The following NINJ2 variants were observed in gnomAD, a reference collection of about 807,000 sequenced individuals.
NINJ2 encodes the protein ninjurin 2, also known as ninjurin-2.
A neutral mutation model predicts 11.7 loss-of-function variants in NINJ2; 12 were observed. That is an observed-to-expected ratio of 1.02 (90% CI 0.66 to 1.66). The LOEUF (loss-of-function observed/expected upper bound fraction) is 1.66. NINJ2 is among the 40% of genes most tolerant of loss of function. NINJ2 has a pLI of 0.00. For missense variants in NINJ2, 187 were observed against 181.8 expected (o/e 1.03, Z -0.16); for synonymous variants, 93 against 76.8 (o/e 1.21, Z -1.10).
intron 1 of NINJ2, 44 bp from the exon 2 acceptor site, chr12:566,222 G>T: frequency 6.5e-7 from 1 of 1,532,340 alleles, no homozygotes; most frequent in South Asian, 1.2e-5. Flanking sequence ...AGCTCTGGAA[G>T]GGAAGCAGTT....
At chr12:597,578 A>C (rs1006704601) in intron 1 of NINJ2, among the ~76,000 whole-genome samples, 1 of 152,274 alleles carries the variant, frequency 6.6e-6, no homozygotes, top group African/African-American at 2.4e-5. Context: ...TTCATGTTAC[A>C]TAAAACCAAG....
Position 614,399 on chromosome 12 carries a change from T to C in NINJ2, c.34-48221A>G, listed in dbSNP as rs576082955. ...GTCGTTGGGTGGTGGCAGAACAAAATGTTTGGAGATGGAATCTAGATGATC... is the reference window on the plus strand; with the variant it reads ...GTCGTTGGGTGGTGGCAGAACAAAACGTTTGGAGATGGAATCTAGATGATC... On this transcript the variant is annotated intron_variant, in intron 1 of 3. Coordinates refer to ENST00000305108, the MANE Select transcript of NINJ2 (RefSeq NM_016533.6). This position sits in a 1 kb window ranked among gnomAD's most constrained non-coding sequence, Gnocchi z 5.1. 7.9e-5 allele frequency among the ~76,000 whole-genome samples: 12 copies of C among 151,892 alleles called. No homozygotes were observed. The highest frequency in any genetic ancestry group is 2.7e-4 in the African/African-American group (11 of 41,420).
intron 1 of NINJ2, among the ~76,000 whole-genome samples, chr12:638,707 G>A (rs377397420): frequency 1.3e-5 from 2 of 152,200 alleles, no homozygotes; most frequent in East Asian, 1.9e-4. Flanking sequence ...GAGCCACCGC[G>A]CCCGGCCGAC....
intron 1 of NINJ2, among the ~76,000 whole-genome samples, chr12:607,955 G>T (rs1380531400): frequency 6.6e-6 from 1 of 152,180 alleles, no homozygotes; most frequent in Non-Finnish European, 1.5e-5. Flanking sequence ...TGTGCTGGGG[G>T]TTCCGTTGAC....
intron 1 of NINJ2, among the ~76,000 whole-genome samples, chr12:566,524 A>G (rs1467792830): frequency 6.6e-6 from 1 of 152,164 alleles, no homozygotes; most frequent in Non-Finnish European, 1.5e-5. Flanking sequence ...GCCAGGCCTC[A>G]GCTTTGGGCT....
At chr12:656,954 A>C (rs770598811) in intron 1 of NINJ2, among the ~76,000 whole-genome samples, 13 of 152,200 alleles carry the variant, frequency 8.5e-5, no homozygotes, top group Non-Finnish European at 1.9e-4. Flanking sequence ...CACGTGTAAA[A>C]ATATGAATCT....
intron 1 of NINJ2, among the ~76,000 whole-genome samples, chr12:595,678 G>A (rs866844912): frequency 5.9e-5 from 9 of 152,130 alleles, no homozygotes; most frequent in East Asian, 1.9e-4. Flanking sequence ...GCTTGAACCC[G>A]GGAGGCGGAG....
chr12:629,216 A>T (rs1376141045), intron 1 of NINJ2, among the ~76,000 whole-genome samples: 1 of 152,192 alleles, frequency 6.6e-6, no homozygotes, highest in Non-Finnish European at 1.5e-5. Flanking sequence ...CCTCACAATG[A>T]TCCTCTGAGG....
chr12:640,773 C>T lies in NINJ2; in HGVS notation c.33+22555G>A, dbSNP rs1263506315. 6.5e-6 allele frequency: 1 copy of T among 152,920 alleles called. No homozygotes were observed. The highest frequency in any genetic ancestry group is 2.4e-5 in the African/African-American group (1 of 41,420). The allele number at this position is 152,920 out of a possible 1,614,324, so 9.5% of individuals were successfully genotyped here. On this transcript the variant is annotated intron_variant, in intron 1 of 3. Coordinates refer to ENST00000305108, the MANE Select transcript of NINJ2 (RefSeq NM_016533.6). The surrounding 1 kb of genome is among the most constrained non-coding windows in gnomAD (Gnocchi z 4.0). Reference sequence around the variant, plus strand: ...TCGGCCTCCCAAAGTGCTGGGATTACAGGTGTGAATCATTGTGCTAGGCCA... The same window carrying T: ...TCGGCCTCCCAAAGTGCTGGGATTATAGGTGTGAATCATTGTGCTAGGCCA...
chr12:599,220 A>G (rs1245853640), intron 1 of NINJ2, among the ~76,000 whole-genome samples: 2 of 151,904 alleles, frequency 1.3e-5, no homozygotes, highest in Non-Finnish European at 2.9e-5. Flanking sequence ...TGTCTCTACT[A>G]AAAATACCAA....
In NINJ2 at chr12:633,282, G is replaced by A. The variant is rs1488319551; in HGVS notation, c.33+30046C>T. 6.6e-6 allele frequency among the ~76,000 whole-genome samples: 1 copy of A among 152,042 alleles called. No individual in the cohort carries two copies. The highest frequency in any genetic ancestry group is 1.5e-5 in the Non-Finnish European group (1 of 68,010). On this transcript the variant is annotated intron_variant, in intron 1 of 3. Coordinates refer to ENST00000305108, the MANE Select transcript of NINJ2 (RefSeq NM_016533.6). This position sits in a 1 kb window ranked among gnomAD's most constrained non-coding sequence, Gnocchi z 4.3. ...GGAGGCCGAGGTGGATGGATCACCTGAAGTCAGCAGTTCAAGACCAACTTG... is the reference window on the plus strand; with the variant it reads ...GGAGGCCGAGGTGGATGGATCACCTAAAGTCAGCAGTTCAAGACCAACTTG...
intron 1 of NINJ2, among the ~76,000 whole-genome samples, chr12:600,668 G>A (rs959635400): frequency 3.1e-5 from 2 of 65,496 alleles, no homozygotes; most frequent in Non-Finnish European, 1.1e-4. Context: ...GTGTGTGTGT[G>A]TGTGTGTGTG....
chr12:621,390 G>C (rs1948150248), intron 1 of NINJ2, among the ~76,000 whole-genome samples: 1 of 151,652 alleles, frequency 6.6e-6, no homozygotes, highest in Non-Finnish European at 1.5e-5. Context: ...AGAGTTTGAG[G>C]CTGTAGTGAG....
chr12:604,984 A>T (rs1008638854), intron 1 of NINJ2, among the ~76,000 whole-genome samples: 1 of 152,200 alleles, frequency 6.6e-6, no homozygotes, highest in African/African-American at 2.4e-5. Flanking sequence ...AAGCAAGAAT[A>T]TGTGTTTAGG....
chr12:574,193 G>A (rs970954037), intron 1 of NINJ2, among the ~76,000 whole-genome samples: 1 of 152,160 alleles, frequency 6.6e-6, no homozygotes, highest in Non-Finnish European at 1.5e-5. Context: ...CTGCACTCCA[G>A]CCTGGGCAAC....
chr12:567,209 A>G (rs1245138263), intron 1 of NINJ2, among the ~76,000 whole-genome samples: 1 of 152,198 alleles, frequency 6.6e-6, no homozygotes, highest in Non-Finnish European at 1.5e-5. Flanking sequence ...TCACCATGAC[A>G]GGACAGATAC....
chr12:597,872 G>A (rs753279907), intron 1 of NINJ2, among the ~76,000 whole-genome samples: 1 of 152,248 alleles, frequency 6.6e-6, no homozygotes, highest in East Asian at 1.9e-4. Flanking sequence ...GGAATGCTGG[G>A]CTATTACAGG....
intron 1 of NINJ2, chr12:642,992 C>G (rs1393744147): frequency 6.6e-6 from 1 of 150,870 alleles, no homozygotes; most frequent in Non-Finnish European, 1.5e-5. Flanking sequence ...CCAGCTGGCC[C>G]GGCCGCCGCG....
rs1304224268 is a variant in NINJ2 at position 580,891 on chromosome 12, T to G, written c.34-14713A>C. On this transcript the variant is annotated intron_variant, in intron 1 of 3. Coordinates refer to ENST00000305108, the MANE Select transcript of NINJ2 (RefSeq NM_016533.6). This position sits in a 1 kb window ranked among gnomAD's most constrained non-coding sequence, Gnocchi z 4.7. The stretch of plus-strand genomic sequence containing the variant: ...CTGTGTGAATGTGTCTATGCATGTG[T>G]CTGTGTGTCTGTGTGTGTGTCTGTA... Among the ~76,000 whole-genome samples, 1 of 151,874 alleles carries G rather than the reference T, an allele frequency of 6.6e-6. No homozygotes were observed. Among genetic ancestry groups the G allele is most frequent in the Non-Finnish European group, 1.5e-5 (1 of 67,968 alleles).
Sources: gnomAD v4.1 joint callset for allele counts (sites outside exome capture counted in the v4.1 genomes callset) on GRCh38, gnomAD v4.1.1 for gene constraint, Gnocchi (gnomAD v3.1) non-coding constraint, MANE v1.5 for transcripts, NCBI Gene and HGNC (gene_info 2026-07-23, HGNC 2026-07-21) for gene names.